Variants in CLSTN2 observed in about 807,000 individuals in gnomAD.
CLSTN2 encodes calsyntenin 2.
In CLSTN2, 48 loss-of-function variants were observed where a neutral mutation model predicts 101.2. The ratio of observed to expected loss-of-function variants is 0.47; its 90% CI spans 0.38 to 0.60. The LOEUF (loss-of-function observed/expected upper bound fraction) is 0.60. Among genes scored for constraint, CLSTN2 ranks in the 20% least tolerant of loss-of-function variants. The pLI is 0.00. For synonymous variants in CLSTN2, 481 were observed against 463.6 expected (o/e 1.04, Z -0.48); for missense variants, 1,160 against 1,238.2 (o/e 0.94, Z 0.95).
chr3:140,294,882 T>C (rs770109354), intron 2 of CLSTN2, among the ~76,000 whole-genome samples: 10 of 152,142 alleles, frequency 6.6e-5, no homozygotes, highest in African/African-American at 1.2e-4. Context: ...CTTGTATTCT[T>C]TCATGGGGAG....
At chr3:140,271,740 G>T (rs4549244) in intron 2 of CLSTN2, among the ~76,000 whole-genome samples, 35,656 of 152,132 alleles carry the variant, frequency 0.23, 5,275 homozygotes, top group East Asian at 0.61. Context: ...GAAACATTCA[G>T]ACCATAGCAA....
intron 1 of CLSTN2, among the ~76,000 whole-genome samples, chr3:140,120,811 G>A (rs2009328169): frequency 6.6e-6 from 1 of 152,182 alleles, no homozygotes; most frequent in Non-Finnish European, 1.5e-5. Flanking sequence ...TGGGAGTTCT[G>A]TTCAACCACC....
intron 1 of CLSTN2, among the ~76,000 whole-genome samples, chr3:140,071,702 G>A (rs1221742471): frequency 1.3e-5 from 2 of 151,978 alleles, no homozygotes; most frequent in South Asian, 2.1e-4. Context: ...GTGGTGGCGG[G>A]CGCCTGTAGT....
chr3:140,296,929 G>A (rs1362456760), intron 2 of CLSTN2, among the ~76,000 whole-genome samples: 1 of 152,194 alleles, frequency 6.6e-6, no homozygotes, highest in African/African-American at 2.4e-5. Flanking sequence ...GAGTGGTCAG[G>A]CCCACCCTAC....
At chr3:140,150,038 A>C (rs1158544987) in intron 1 of CLSTN2, among the ~76,000 whole-genome samples, 2 of 152,140 alleles carry the variant, frequency 1.3e-5, no homozygotes, top group Admixed American at 1.3e-4. Context: ...GTGGCCTAGG[A>C]TGAGGCATCA....
intron 2 of CLSTN2, among the ~76,000 whole-genome samples, chr3:140,341,942 G>T (rs1211163235): frequency 1.1e-4 from 16 of 152,184 alleles, no homozygotes; most frequent in Admixed American, 1.0e-3. Flanking sequence ...AGGGAGCCAG[G>T]TGTGGAAGGC....
At chr3:140,503,464 G>C (rs939115772) in intron 8 of CLSTN2, among the ~76,000 whole-genome samples, 6 of 152,190 alleles carry the variant, frequency 3.9e-5, no homozygotes, top group African/African-American at 1.4e-4. Flanking sequence ...CTGTACCATA[G>C]AGCCTAGGTG....
chr3:140,132,876 G>C (rs1204682931), intron 1 of CLSTN2, among the ~76,000 whole-genome samples: 1 of 152,084 alleles, frequency 6.6e-6, no homozygotes, highest in East Asian at 1.9e-4. Flanking sequence ...CTAAGATATT[G>C]TATTGAAATA....
At chr3:140,072,489 T>C (rs950224162) in intron 1 of CLSTN2, among the ~76,000 whole-genome samples, 4 of 152,218 alleles carry the variant, frequency 2.6e-5, no homozygotes, top group African/African-American at 9.6e-5. Flanking sequence ...ATCAGATGTA[T>C]GTTTTCTGTT....
Position 140,562,919 on chromosome 3 carries a change from T to C in CLSTN2, c.2321T>C (p.Leu774Pro), listed in dbSNP as rs1394028230. 1 of 1,614,122 alleles carries C rather than the reference T, an allele frequency of 6.2e-7. No homozygotes were observed. The highest frequency in any genetic ancestry group is 1.7e-5 in the Admixed American group (1 of 60,026). The change falls in exon 14 of 17, where the codon CTC (leucine) becomes CCC (proline). Residue 774 changes from leucine to proline, a missense_variant. Coordinates refer to ENST00000458420, the MANE Select transcript of CLSTN2 (RefSeq NM_022131.3). The part of the protein sequence containing the change: ...ARRFRIKCSE[L>P]NGRYTSNEFN... ...CGTTTCCGGATTAAGTGCTCAGAAC[T>C]CAATGGGCGCTACACTAGCAATGAG...
chr3:140,540,052 G>T (rs1935442882), intron 9 of CLSTN2, among the ~76,000 whole-genome samples: 1 of 152,164 alleles, frequency 6.6e-6, no homozygotes, highest in African/African-American at 2.4e-5. Context: ...CCTTCCTACT[G>T]CTGCTTATTT....
At chr3:140,425,451 C>T (rs2088556841) in intron 5 of CLSTN2, among the ~76,000 whole-genome samples, 1 of 152,244 alleles carries the variant, frequency 6.6e-6, no homozygotes, top group Non-Finnish European at 1.5e-5. Context: ...GACCCCGGCT[C>T]TTCCGCTGCC....
At chr3:140,237,599 G>A (rs1157143408) in intron 2 of CLSTN2, among the ~76,000 whole-genome samples, 1 of 152,114 alleles carries the variant, frequency 6.6e-6, no homozygotes, top group Non-Finnish European at 1.5e-5. Context: ...CTCTGTCTGG[G>A]TACTCTCTCC....
chr3:140,249,017 A>G (rs2086539910), intron 2 of CLSTN2, among the ~76,000 whole-genome samples: 1 of 152,146 alleles, frequency 6.6e-6, no homozygotes, highest in African/African-American at 2.4e-5. Context: ...AGAGAGATGC[A>G]GCATGGAGGG....
At chr3:139,965,078 T>A (rs1003418801) in intron 1 of CLSTN2, among the ~76,000 whole-genome samples, 1 of 152,234 alleles carries the variant, frequency 6.6e-6, no homozygotes, top group Non-Finnish European at 1.5e-5. Context: ...TTGATTTTCA[T>A]GCCACCCTCT....
At chr3:140,336,295 A>G (rs1290663501) in intron 2 of CLSTN2, among the ~76,000 whole-genome samples, 2 of 152,220 alleles carry the variant, frequency 1.3e-5, no homozygotes, top group Non-Finnish European at 2.9e-5. Flanking sequence ...TCCATTACAC[A>G]CAGGTGGAAA....
In CLSTN2 at chr3:140,392,357, C is replaced by T. The variant is rs1456504895; in HGVS notation, c.233-11272C>T. On this transcript the variant is annotated intron_variant, in intron 2 of 16. Coordinates refer to ENST00000458420, the MANE Select transcript of CLSTN2 (RefSeq NM_022131.3). ...CTATTCTAATTTTAGTTTAAAAAGT[C>T]TTTCAAATCCTGTGTATATTTTACA... 2.0e-5 allele frequency among the ~76,000 whole-genome samples: 3 copies of T among 151,708 alleles called. No individual in the cohort carries two copies. The East Asian group carries it at 5.8e-4, about 29-fold the overall frequency.
At chr3:140,161,272 G>A (rs770783759) in intron 1 of CLSTN2, among the ~76,000 whole-genome samples, 1 of 152,160 alleles carries the variant, frequency 6.6e-6, no homozygotes, top group Non-Finnish European at 1.5e-5. Flanking sequence ...AAAATTCAGA[G>A]TCCAAATGTA....
chr3:140,074,638 C>T (rs1164803239), intron 1 of CLSTN2, among the ~76,000 whole-genome samples: 1 of 152,154 alleles, frequency 6.6e-6, no homozygotes, highest in East Asian at 1.9e-4. Context: ...GAGATGCTAT[C>T]ATTACTCTCG....
Sources: allele counts gnomAD v4.1 joint callset (sites outside exome capture counted in the v4.1 genomes callset), GRCh38; gene constraint gnomAD v4.1.1; transcripts MANE v1.5; gene names NCBI Gene and HGNC (gene_info 2026-07-23, HGNC 2026-07-21).